The following AKR1B10 variants were observed in gnomAD, a reference collection of about 807,000 sequenced individuals.
AKR1B10 encodes aldo-keto reductase family 1 member B10.
AKR1B10 carries 39 observed loss-of-function variants against 38.9 expected under a neutral mutation model. That is an observed-to-expected ratio of 1.00 (90% CI 0.78 to 1.31). The LOEUF is 1.31. Ranked by LOEUF, AKR1B10 falls within the 50% of genes most tolerant of loss-of-function variation. The pLI, the probability that AKR1B10 is intolerant of heterozygous loss-of-function variation, is 0.00. For synonymous variants in AKR1B10, 148 were observed against 141.2 expected, an observed-to-expected ratio of 1.05 and a Z score of -0.34; for missense variants, 361 against 382.6, an observed-to-expected ratio of 0.94 and a Z score of 0.47.
At chr7:134,539,196 T>C in intron 9 of AKR1B10, 179 bp downstream of exon 9, 2 of 663,606 alleles carry the variant, frequency 3.0e-6, no homozygotes, top group East Asian at 5.5e-5. Flanking sequence ...CATCTCTAAT[T>C]GCTGCTCATT....
intron 1 of AKR1B10, among the ~76,000 whole-genome samples, chr7:134,530,111 G>A (rs1293530963): frequency 6.6e-6 from 1 of 151,968 alleles, no homozygotes; most frequent in Non-Finnish European, 1.5e-5. Flanking sequence ...GTAAGTGATC[G>A]AATCCAGATT....
chr7:134,531,608 G>C (rs1296422157), intron 2 of AKR1B10, among the ~76,000 whole-genome samples: 1 of 152,168 alleles, frequency 6.6e-6, no homozygotes, highest in East Asian at 1.9e-4. Context: ...CTACAGCTGA[G>C]GAAGAGACTG....
Position 134,532,044 on chromosome 7 carries a change from T to A in AKR1B10, c.351+20T>A, listed in dbSNP as rs772762928. ...TTCAAGGTTTAAGACACTCTCTTTCTCAGCCTCTAGTTTCTGAGCAGGTGC... is the reference window on the plus strand; with the variant it reads ...TTCAAGGTTTAAGACACTCTCTTTCACAGCCTCTAGTTTCTGAGCAGGTGC... On this transcript the variant is annotated intron_variant, in intron 3 of 9. Transcript: ENST00000359579. 5 of 1,613,744 alleles carry A rather than the reference T, an allele frequency of 3.1e-6. No homozygotes were observed. In the South Asian group the frequency reaches 5.5e-5, roughly 18 times the overall value.
At position 134,537,562 on chromosome 7, in the gene AKR1B10, G is replaced by C; in HGVS notation, c.660-18G>C. 2.5e-6 allele frequency: 4 copies of C among 1,610,750 alleles called. No individual in the cohort carries two copies. Among genetic ancestry groups the C allele is most frequent in the Non-Finnish European group, 3.4e-6 (4 of 1,177,688 alleles). ...GTAGCCATGGTGATTATTCACATCA[G>C]CATCTTTCTGCCCCTAGGGCCAAGC... On this transcript the variant is annotated intron_variant, in intron 6 of 9. Coordinates refer to ENST00000359579, the MANE Select transcript of AKR1B10 (RefSeq NM_020299.5).
chr7:134,540,965 A>G (rs1585759970), intron 9 of AKR1B10, 82 bp from the exon 10 acceptor site: 9 of 1,006,008 alleles, frequency 8.9e-6, no homozygotes, highest in East Asian at 7.3e-5. Flanking sequence ...AGAGTCCACC[A>G]GGGAAGAATA....
At chr7:134,532,568 A>G (rs1467545625) in intron 3 of AKR1B10, among the ~76,000 whole-genome samples, 1 of 152,004 alleles carries the variant, frequency 6.6e-6, no homozygotes, top group Non-Finnish European at 1.5e-5. Flanking sequence ...CTCCTGACCA[A>G]CTGGAGTGAT....
chr7:134,539,042 A>C, intron 9 of AKR1B10, 25 bp downstream of exon 9: 1 of 1,613,624 alleles, frequency 6.2e-7, no homozygotes, highest in Non-Finnish European at 8.5e-7. Flanking sequence ...GTTAACTAGA[A>C]GCATTGCCAG....
At chr7:134,528,202 T>C (rs1409546333) in intron 1 of AKR1B10, among the ~76,000 whole-genome samples, 2 of 152,196 alleles carry the variant, frequency 1.3e-5, no homozygotes, top group Admixed American at 6.5e-5. Context: ...CTAGCAAGTA[T>C]CAAATTTCAA....
chr7:134,535,583 G>GTTTT (rs1807972246), intron 4 of AKR1B10: 1 of 681,334 alleles, frequency 1.5e-6, no homozygotes, highest in African/African-American at 2.6e-5. Context: ...CCTCTTTTCT[G>GTTTT]TCTTTTTTTT....
chr7:134,531,537 C>G (rs1807855522), intron 2 of AKR1B10, among the ~76,000 whole-genome samples: 1 of 152,118 alleles, frequency 6.6e-6, no homozygotes, highest in Non-Finnish European at 1.5e-5. Flanking sequence ...ACCATCTGCT[C>G]CCAAAGGCCT....
chr7:134,533,763 C>A (rs146616357), intron 4 of AKR1B10, among the ~76,000 whole-genome samples: 72 of 152,286 alleles, frequency 4.7e-4, no homozygotes, highest in African/African-American at 1.7e-3. Flanking sequence ...AGCCTGAGTG[C>A]TCTGCTTCTC....
At chr7:134,531,282 G>C (rs1347543645) in intron 2 of AKR1B10, among the ~76,000 whole-genome samples, 6 of 152,088 alleles carry the variant, frequency 3.9e-5, no homozygotes, top group African/African-American at 7.2e-5. Context: ...AAAAGGTGAG[G>C]GATACAATGT....
intron 2 of AKR1B10, among the ~76,000 whole-genome samples, chr7:134,531,654 T>G (rs1238320123): frequency 1.3e-5 from 2 of 152,178 alleles, no homozygotes; most frequent in Admixed American, 1.3e-4. Context: ...GTGGCCACAT[T>G]TACTTCAATG....
At chr7:134,528,822 T>C (rs1421145323) in intron 1 of AKR1B10, among the ~76,000 whole-genome samples, 1 of 152,216 alleles carries the variant, frequency 6.6e-6, no homozygotes, top group Non-Finnish European at 1.5e-5. Context: ...AATGGGCATC[T>C]GCACTTTAAC....
chr7:134,532,928 G>A (rs1807899663), intron 3 of AKR1B10, 76 bp from the exon 4 acceptor site: 1 of 1,283,868 alleles, frequency 7.8e-7, no homozygotes. Context: ...GCAAGAGTCA[G>A]GATCCTGAAA....
intron 5 of AKR1B10, 129 bp from the exon 6 acceptor site, chr7:134,536,922 T>C: frequency 6.3e-7 from 1 of 1,579,770 alleles, no homozygotes; most frequent in Non-Finnish European, 8.6e-7. Context: ...TCACGGGTGA[T>C]TTAGCAAGTA....
intron 9 of AKR1B10, among the ~76,000 whole-genome samples, chr7:134,539,430 A>G (rs1177599105): frequency 6.6e-6 from 1 of 152,180 alleles, no homozygotes; most frequent in Non-Finnish European, 1.5e-5. Context: ...AACTCAAAAT[A>G]TAGATGTCAG....
intron 1 of AKR1B10, 134 bp downstream of exon 1, chr7:134,528,111 C>T (rs1807737610): frequency 1.7e-6 from 2 of 1,177,996 alleles, no homozygotes; most frequent in African/African-American, 1.5e-5. Flanking sequence ...GGAGCCAGGA[C>T]TTAGGTTGCT....
In AKR1B10 at chr7:134,541,107, A is replaced by C; in HGVS notation, c.*18A>C. 6.5e-7 allele frequency: 1 copy of C among 1,537,890 alleles called. No homozygotes were observed. Among genetic ancestry groups the C allele is most frequent in the Non-Finnish European group, 9.0e-7 (1 of 1,113,364 alleles). On this transcript the variant is annotated 3_prime_UTR_variant, in exon 10 of 10. Coordinates refer to ENST00000359579, the MANE Select transcript of AKR1B10 (RefSeq NM_020299.5). ...AATATTGAGGTTGAATCTCCTGGTG[A>C]GATTATACAGGAGATTCTCTTTCTT...
Sources: allele counts gnomAD v4.1 joint callset (sites outside exome capture counted in the v4.1 genomes callset), GRCh38; gene constraint gnomAD v4.1.1; transcripts MANE v1.5; gene names NCBI Gene and HGNC (gene_info 2026-07-23, HGNC 2026-07-21).